Variants in ASTN2 observed in about 807,000 individuals in gnomAD.
ASTN2 encodes the protein astrotactin 2, also known as astrotactin-2.
ASTN2 carries 54 observed loss-of-function variants against 139.8 expected under a neutral mutation model. The ratio of observed to expected loss-of-function variants is 0.39; its 90% CI spans 0.31 to 0.48. The LOEUF is 0.48. Ranked by LOEUF, ASTN2 falls within the 20% of genes least tolerant of loss-of-function variation. ASTN2 has a pLI of 0.95. For missense variants in ASTN2, 1,565 were observed against 1,725.1 expected (o/e 0.91, Z 1.64); for synonymous variants, 756 against 719.5 (o/e 1.05, Z -0.81).
chr9:116,854,355 T>C (rs1411787113), intron 11 of ASTN2, among the ~76,000 whole-genome samples: 1 of 152,208 alleles, frequency 6.6e-6, no homozygotes, highest in East Asian at 1.9e-4. Flanking sequence ...ACAGCAGCTT[T>C]GGCAGGCATA....
intron 2 of ASTN2, among the ~76,000 whole-genome samples, chr9:117,267,643 T>A (rs533105979): frequency 1.3e-5 from 2 of 152,178 alleles, no homozygotes; most frequent in South Asian, 4.2e-4. Context: ...CAAATAAACA[T>A]CAACAAAAAA....
chr9:116,836,891 A>AT (rs137872995), intron 11 of ASTN2, among the ~76,000 whole-genome samples: 15,997 of 150,068 alleles, frequency 0.11, 1,063 homozygotes, highest in Non-Finnish European at 0.15. Context: ...TGGCTTTTAC[A>AT]TTTTTTTTTT....
chr9:117,221,370 A>G (rs977924944), intron 2 of ASTN2, among the ~76,000 whole-genome samples: 13 of 152,336 alleles, frequency 8.5e-5, no homozygotes, highest in African/African-American at 3.1e-4. Context: ...TTTCATGTTA[A>G]AATATCAAGG....
intron 19 of ASTN2, among the ~76,000 whole-genome samples, chr9:116,615,642 G>A (rs1158419306): frequency 6.6e-5 from 10 of 150,506 alleles, no homozygotes; most frequent in East Asian, 4.0e-4. Flanking sequence ...ACCAAACACC[G>A]CATGTTCTCA....
intron 10 of ASTN2, among the ~76,000 whole-genome samples, chr9:116,871,494 G>A (rs1158224600): frequency 6.6e-6 from 1 of 152,088 alleles, no homozygotes; most frequent in Non-Finnish European, 1.5e-5. Flanking sequence ...CTTGTGTTGG[G>A]AAACCACTAA....
rs1037761935 is a variant in ASTN2, at chr9:117,205,677, T to C, written c.1015+8681A>G. ...GAATCTCAGGAGTAGAAAAGAAGAA[T>C]GCAGAACCCAGAGCTCCAGGGAAGG... On this transcript the variant is annotated intron_variant, in intron 3 of 22. Transcript: ENST00000313400. Among the ~76,000 whole-genome samples, 36 of 152,148 alleles carry C rather than the reference T, an allele frequency of 2.4e-4. 1 individual carries two copies. Among genetic ancestry groups the C allele is most frequent in the Non-Finnish European group, 1.5e-5 (1 of 68,030 alleles).
intron 11 of ASTN2, among the ~76,000 whole-genome samples, chr9:116,862,826 A>ACACG (rs1185705447): frequency 1.2e-5 from 1 of 81,970 alleles, no homozygotes; most frequent in East Asian, 3.4e-4. Context: ...ACACACACAC[A>ACACG]CACACACACA....
chr9:116,753,709 T>C (rs767775256), intron 13 of ASTN2, among the ~76,000 whole-genome samples: 2 of 152,148 alleles, frequency 1.3e-5, no homozygotes, highest in East Asian at 1.9e-4. Context: ...ATGCATAGTC[T>C]AGGTATTTTT....
At chr9:116,921,567 G>C (rs559732598) in intron 10 of ASTN2, among the ~76,000 whole-genome samples, 4 of 127,194 alleles carry the variant, frequency 3.1e-5, no homozygotes, top group Non-Finnish European at 4.6e-5. Flanking sequence ...CAGCCTGGGC[G>C]ACCGAGCGAG....
At chr9:117,348,541 G>C (rs1257372451) in intron 1 of ASTN2, among the ~76,000 whole-genome samples, 1 of 152,142 alleles carries the variant, frequency 6.6e-6, no homozygotes, top group Non-Finnish European at 1.5e-5. Flanking sequence ...TCTATTTACT[G>C]TAAAGTTGCT....
At chr9:116,923,011 A>G (rs897899852) in intron 10 of ASTN2, among the ~76,000 whole-genome samples, 2 of 152,188 alleles carry the variant, frequency 1.3e-5, no homozygotes, top group South Asian at 2.1e-4. Flanking sequence ...TTCTTTGCAT[A>G]TATTTCTTAC....
chr9:116,560,082 C>T (rs1852829166), intron 19 of ASTN2, among the ~76,000 whole-genome samples: 1 of 152,134 alleles, frequency 6.6e-6, no homozygotes, highest in Non-Finnish European at 1.5e-5. Context: ...TACTATACTG[C>T]CACAGGCCAG....
At chr9:116,601,418 T>C (rs945166960) in intron 19 of ASTN2, among the ~76,000 whole-genome samples, 41 of 152,320 alleles carry the variant, frequency 2.7e-4, no homozygotes, top group Admixed American at 1.4e-3. Flanking sequence ...CCAGATATGA[T>C]CAAATGTATA....
Position 116,818,173 on chromosome 9 carries a change from A to G in ASTN2, c.2207+2444T>C, listed in dbSNP as rs536371658. On this transcript the variant is annotated intron_variant, in intron 12 of 22. Coordinates refer to ENST00000313400, the MANE Select transcript of ASTN2 (RefSeq NM_001365068.1). ...GAACAGTCATGGTACGTAGAAAGTC[A>G]TTAGTAAATGTTAGCTGCTATTATT... Among the ~76,000 whole-genome samples, 41 of 152,356 alleles carry G rather than the reference A, an allele frequency of 2.7e-4. No individual in the cohort carries two copies. The South Asian group carries it at 3.5e-3, about 13-fold the overall frequency.
intron 6 of ASTN2, among the ~76,000 whole-genome samples, chr9:117,037,412 G>A (rs1838416746): frequency 6.6e-6 from 1 of 152,088 alleles, no homozygotes. Flanking sequence ...TAAAAAAGTA[G>A]GTGTTGTAGT....
At chr9:116,586,406 A>G (rs1263310949) in intron 19 of ASTN2, 1 of 152,210 alleles carries the variant, frequency 6.6e-6, no homozygotes, top group African/African-American at 2.4e-5. Flanking sequence ...GCCCATCAAC[A>G]GTGGACTGGA....
intron 14 of ASTN2, among the ~76,000 whole-genome samples, chr9:116,732,911 T>C (rs1050005907): frequency 1.3e-5 from 2 of 152,144 alleles, no homozygotes; most frequent in African/African-American, 4.8e-5. Flanking sequence ...GTAAAAATAA[T>C]ACCCACCCCA....
chr9:116,508,285 G>A (rs1036335658), intron 19 of ASTN2, among the ~76,000 whole-genome samples: 5 of 152,336 alleles, frequency 3.3e-5, no homozygotes, highest in Non-Finnish European at 4.4e-5. Context: ...AGCAATGCCA[G>A]ATGAGCTTGG....
intron 10 of ASTN2, among the ~76,000 whole-genome samples, chr9:116,906,966 T>G (rs942889271): frequency 9.9e-5 from 15 of 152,230 alleles, no homozygotes; most frequent in Admixed American, 6.5e-4. Flanking sequence ...TGTCCATTAA[T>G]TATCTTACAG....
Sources: gnomAD v4.1 joint callset for allele counts (sites outside exome capture counted in the v4.1 genomes callset) on GRCh38, gnomAD v4.1.1 for gene constraint, MANE v1.5 for transcripts, NCBI Gene and HGNC (gene_info 2026-07-23, HGNC 2026-07-21) for gene names.